Variants in TEAD4 observed in about 807,000 individuals in gnomAD.
TEAD4 encodes the protein TEA domain transcription factor 4.
In TEAD4, 36 loss-of-function variants were observed where a neutral mutation model predicts 52.4. The observed-to-expected ratio is 0.69, with a 90% CI of 0.53 to 0.91. The LOEUF (loss-of-function observed/expected upper bound fraction) is 0.91, where lower values mean the gene tolerates loss of function less well. TEAD4 is among the 40% of genes least tolerant of loss of function. The probability of loss-of-function intolerance (pLI) is 0.00; values close to 1 mark genes in which losing one functional copy is unlikely to be tolerated. For synonymous variants in TEAD4, 220 were observed against 231.0 expected (o/e 0.95, Z 0.43); for missense variants, 508 against 583.9 (o/e 0.87, Z 1.34).
intron 2 of TEAD4, among the ~76,000 whole-genome samples, chr12:2,985,149 C>T (rs900391296): frequency 1.3e-5 from 2 of 152,050 alleles, no homozygotes; most frequent in Non-Finnish European, 2.9e-5. Flanking sequence ...CTTTGGGAGG[C>T]CGAGGCGGGT....
intron 3 of TEAD4, among the ~76,000 whole-genome samples, chr12:3,010,778 C>A (rs1335624871): frequency 1.3e-5 from 2 of 152,166 alleles, no homozygotes; most frequent in Non-Finnish European, 2.9e-5. Flanking sequence ...GCCCTGTTAA[C>A]CTTGTTCTCG....
chr12:3,004,915 C>T (rs2098254621), intron 3 of TEAD4, among the ~76,000 whole-genome samples: 1 of 152,168 alleles, frequency 6.6e-6, no homozygotes, highest in Non-Finnish European at 1.5e-5. Context: ...GGCTCACACA[C>T]CCACAGACAC....
intron 10 of TEAD4, among the ~76,000 whole-genome samples, chr12:3,028,213 A>G (rs1217876057): frequency 6.6e-6 from 1 of 152,116 alleles, no homozygotes; most frequent in African/African-American, 2.4e-5. Context: ...TCCATTCATC[A>G]GTTCATGGGC....
intron 2 of TEAD4, among the ~76,000 whole-genome samples, chr12:2,990,461 CT>C (rs71057876): frequency 2.4e-4 from 16 of 67,036 alleles, no homozygotes; most frequent in African/African-American, 6.5e-4. Context: ...GACAGATAAT[CT>C]TTTTTTTTTT....
At chr12:3,016,484 G>A (rs1591588260) in intron 5 of TEAD4, among the ~76,000 whole-genome samples, 1 of 152,104 alleles carries the variant, frequency 6.6e-6, no homozygotes, top group East Asian at 1.9e-4. Flanking sequence ...GCATGCCCGT[G>A]GTCCCAGCTA....
chr12:3,005,653 T>C (rs868140225), intron 3 of TEAD4, among the ~76,000 whole-genome samples: 13 of 151,188 alleles, frequency 8.6e-5, no homozygotes, highest in Middle Eastern at 3.4e-3. Context: ...CCCGCCACCA[T>C]GCCCGGCTAT....
chr12:3,005,528 G>A (rs972480820), intron 3 of TEAD4, among the ~76,000 whole-genome samples: 18 of 151,300 alleles, frequency 1.2e-4, no homozygotes, highest in African/African-American at 3.4e-4. Context: ...ACAGAGTCTC[G>A]CTCTATCGCC....
At chr12:2,987,518 T>C (rs2098239540) in intron 2 of TEAD4, among the ~76,000 whole-genome samples, 1 of 152,048 alleles carries the variant, frequency 6.6e-6, no homozygotes, top group Admixed American at 6.5e-5. Flanking sequence ...CACTGCAAGC[T>C]CCGCCTCCCG....
intron 3 of TEAD4, among the ~76,000 whole-genome samples, chr12:3,006,049 A>G (rs2098255678): frequency 6.6e-6 from 1 of 152,248 alleles, no homozygotes; most frequent in Non-Finnish European, 1.5e-5. Context: ...TCTCATCATG[A>G]AAAATGATAA....
At chr12:3,031,891 G>A (rs2098275809) in intron 10 of TEAD4, among the ~76,000 whole-genome samples, 1 of 152,150 alleles carries the variant, frequency 6.6e-6, no homozygotes. Flanking sequence ...TCCTCCTTGC[G>A]AAGTCACTGG....
intron 10 of TEAD4, among the ~76,000 whole-genome samples, chr12:3,032,722 G>C (rs569073298): frequency 1.6e-5 from 1 of 61,240 alleles, no homozygotes; most frequent in Non-Finnish European, 6.8e-5. Context: ...GAGTGCCAGC[G>C]GCCTGGGCAG....
chr12:3,028,034 G>C (rs1764741993), intron 10 of TEAD4, among the ~76,000 whole-genome samples: 1 of 152,116 alleles, frequency 6.6e-6, no homozygotes, highest in African/African-American at 2.4e-5. Flanking sequence ...TCTACTTTCT[G>C]TCTTTGAAGC....
rs868191719 is a variant in TEAD4, at chr12:2,959,941, C to T, written c.-122-7C>T. 6.6e-6 allele frequency: 1 copy of T among 152,194 alleles called. No individual in the cohort carries two copies. Among genetic ancestry groups the T allele is most frequent in the African/African-American group, 2.4e-5 (1 of 41,450 alleles). The allele number at this position is 152,194 out of a possible 1,614,324, so 9.4% of individuals were successfully genotyped here. On this transcript the variant is annotated splice_polypyrimidine_tract_variant and splice_region_variant and intron_variant, in intron 1 of 12. Coordinates refer to ENST00000359864, the MANE Select transcript of TEAD4 (RefSeq NM_003213.4). The surrounding 1 kb of genome is among the most constrained non-coding windows in gnomAD (Gnocchi z 5.1). ...CTCTGCGCGCTGACGCCCTGTCGTCCCCGCAGAACGATCGCCGCGGCCGGA... is the reference window on the plus strand; with the variant it reads ...CTCTGCGCGCTGACGCCCTGTCGTCTCCGCAGAACGATCGCCGCGGCCGGA...
chr12:3,008,899 C>G (rs1324318996), intron 3 of TEAD4, among the ~76,000 whole-genome samples: 1 of 152,218 alleles, frequency 6.6e-6, no homozygotes, highest in Non-Finnish European at 1.5e-5. Context: ...CCTCCTGCTA[C>G]ACCGTCACCC....
chr12:3,021,401 C>G (rs1034976206), intron 9 of TEAD4, among the ~76,000 whole-genome samples: 2 of 149,604 alleles, frequency 1.3e-5, no homozygotes, highest in Non-Finnish European at 3.0e-5. Context: ...ACTTCCACTT[C>G]CTGAGTTCAA....
At chr12:3,032,446 G>A (rs936015220) in intron 10 of TEAD4, among the ~76,000 whole-genome samples, 1 of 152,142 alleles carries the variant, frequency 6.6e-6, no homozygotes, top group East Asian at 1.9e-4. Flanking sequence ...GTGCCCCCCA[G>A]CAAGGCCCTT....
intron 3 of TEAD4, among the ~76,000 whole-genome samples, chr12:2,998,701 GGAAATT>G (rs1483917305): frequency 6.6e-6 from 1 of 152,080 alleles, no homozygotes; most frequent in African/African-American, 2.4e-5. Context: ...ATGCAGAAAT[GGAAATT>G]CAGGGAAGCC....
chr12:3,015,232 C>T (rs1426893766), intron 5 of TEAD4, among the ~76,000 whole-genome samples: 2 of 152,042 alleles, frequency 1.3e-5, no homozygotes, highest in African/African-American at 2.4e-5. Context: ...GTGCGTCTCC[C>T]CCGACCCCTT....
At chr12:3,020,810 AC>A in intron 9 of TEAD4, 37 bp downstream of exon 9, 1 of 1,500,494 alleles carries the variant, frequency 6.7e-7, no homozygotes, top group Non-Finnish European at 8.9e-7. Context: ...CTCCCTGGTC[AC>A]CCCCTCTCCC....
Sources: allele counts gnomAD v4.1 joint callset (sites outside exome capture counted in the v4.1 genomes callset), GRCh38; gene constraint gnomAD v4.1.1; non-coding constraint Gnocchi (gnomAD v3.1); transcripts MANE v1.5; gene names NCBI Gene and HGNC (gene_info 2026-07-23, HGNC 2026-07-21).